The following SEC14L4 variants were observed in gnomAD, a reference collection of about 807,000 sequenced individuals.
SEC14L4 encodes SEC14-like protein 4.
Under a neutral mutation model 55.1 loss-of-function variants are expected in SEC14L4, and 42 were observed. The observed-to-expected ratio is 0.76, with a 90% CI of 0.60 to 0.99. SEC14L4 has a LOEUF of 0.99. Ranked by LOEUF, SEC14L4 falls within the 50% of genes least tolerant of loss-of-function variation. The pLI is 0.00. For synonymous variants in SEC14L4, 206 were observed against 206.8 expected, an observed-to-expected ratio of 1.00 and a Z score of 0.03; for missense variants, 445 against 512.1, an observed-to-expected ratio of 0.87 and a Z score of 1.27.
In SEC14L4 at chr22:30,489,997, G is replaced by A; in HGVS notation, c.*110C>T. 6.4e-7 allele frequency: 1 copy of A among 1,561,928 alleles called. No individual in the cohort carries two copies. The highest frequency in any genetic ancestry group is 8.7e-7 in the Non-Finnish European group (1 of 1,152,190). ...ACAATGAGATGAAATGGTGACGTGGGACAAGTGGCTCTCTGCAGCCACCTC... is the reference window on the plus strand; with the variant it reads ...ACAATGAGATGAAATGGTGACGTGGAACAAGTGGCTCTCTGCAGCCACCTC... On this transcript the variant is annotated 3_prime_UTR_variant, in exon 12 of 12. Transcript: ENST00000255858.
rs367876819 is a variant in SEC14L4, at chr22:30,491,903, G to C, written c.842C>G (p.Thr281Arg). Reference protein sequence around the residue: ...CEQVRLQYEHTRSVGRGSSLQ... With the variant: ...CEQVRLQYEHRRSVGRGSSLQ... ...GGAGGAGCCGCGGCCCACGGACCTC[G>C]TGTGCTCATACTGCAGCCTCACCTG... The change falls in exon 10 of 12, where the codon ACG becomes AGG. Residue 281 changes from threonine to arginine, a missense_variant. By Grantham distance (71) the Thr-to-Arg change is moderately conservative. Coordinates refer to ENST00000255858, the MANE Select transcript of SEC14L4 (RefSeq NM_174977.4). 6.2e-7 allele frequency: 1 copy of C among 1,613,688 alleles called. No individual in the cohort carries two copies. Among genetic ancestry groups the C allele is most frequent in the Non-Finnish European group, 8.5e-7 (1 of 1,179,982 alleles).
chr22:30,494,848 G>A lies in SEC14L4; in HGVS notation c.519+18C>T, dbSNP rs1936085326. On this transcript the variant is annotated intron_variant, in intron 6 of 11. Transcript: ENST00000255858. ...GAGCCACTGCCCACACCAGCCCCAA[G>A]CCAGCCACCCACCTTACCTGCTGGT... The A allele has an allele frequency of 6.3e-7, 1 of 1,585,866 alleles. No homozygotes were observed. The highest frequency in any genetic ancestry group is 8.7e-7 in the Non-Finnish European group (1 of 1,155,438).
rs1935953547 is a variant in SEC14L4, at chr22:30,491,571, A to G, written c.1081+2T>C. The G allele has an allele frequency of 1.2e-6, 2 of 1,614,078 alleles. No individual in the cohort carries two copies. Among genetic ancestry groups the G allele is most frequent in the East Asian group, 4.5e-5 (2 of 44,874 alleles). On this transcript the variant is annotated splice_donor_variant, in intron 11 of 11. Transcript: ENST00000255858. LOFTEE classifies it high-confidence loss of function. Reference sequence around the variant, plus strand: ...AATTCCAGTAAACCCCGCAGCTCTTACAGACGCCAGCCTGGAGGCAGGTGA... The same window carrying G: ...AATTCCAGTAAACCCCGCAGCTCTTGCAGACGCCAGCCTGGAGGCAGGTGA...
chr22:30,495,132 G>A, intron 5 of SEC14L4, 122 bp downstream of exon 5: 1 of 1,081,092 alleles, frequency 9.2e-7, no homozygotes, highest in Non-Finnish European at 1.3e-6. Flanking sequence ...AAGGGTGGGA[G>A]AAGCCCACAT....
intron 1 of SEC14L4, 82 bp downstream of exon 1, chr22:30,505,476 C>A: frequency 1.4e-6 from 2 of 1,381,910 alleles, no homozygotes; most frequent in Non-Finnish European, 2.0e-6. Context: ...CCAGTCTGTA[C>A]CATGGGGGCT....
At chr22:30,503,273 T>TC (rs1936387473) in intron 2 of SEC14L4, among the ~76,000 whole-genome samples, 1 of 151,908 alleles carries the variant, frequency 6.6e-6, no homozygotes, top group East Asian at 1.9e-4. Context: ...TTTTTGTTTT[T>TC]TTTTTTTTGA....
At position 30,491,502 on chromosome 22, in the gene SEC14L4, GC is replaced by G. The variant is rs1329568753; in HGVS notation, c.1081+70del. 6.0e-5 allele frequency: 95 copies of G among 1,580,878 alleles called. 1 individual carries two copies. Among genetic ancestry groups the G allele is most frequent in the Middle Eastern group, 3.3e-4 (2 of 5,982 alleles). On this transcript the variant is annotated intron_variant, in intron 11 of 11. Coordinates refer to ENST00000255858, the MANE Select transcript of SEC14L4 (RefSeq NM_174977.4). ...CAGAGATCCCCCCACCCTCCCGAGA[GC>G]TGGAAAGAGAGGGCAAGCAGAGGGG...
intron 2 of SEC14L4, among the ~76,000 whole-genome samples, chr22:30,501,096 G>A (rs1033219971): frequency 6.6e-6 from 1 of 152,188 alleles, no homozygotes; most frequent in Non-Finnish European, 1.5e-5. Flanking sequence ...CAGAAGGAGG[G>A]TTGGGAAAAG....
At chr22:30,495,862 CT>C in intron 3 of SEC14L4, 65 bp downstream of exon 3, 2 of 1,595,014 alleles carry the variant, frequency 1.3e-6, no homozygotes. Context: ...AGTCTCTACC[CT>C]TTTGCAGCAA....
chr22:30,490,162 G>C lies in SEC14L4; in HGVS notation c.1166C>G (p.Ala389Gly). 1 of 1,614,188 alleles carries C rather than the reference G, an allele frequency of 6.2e-7. No homozygotes were observed. The highest frequency in any genetic ancestry group is 8.5e-7 in the Non-Finnish European group (1 of 1,180,026). ...YTVEVLLPDKASEETLQSLKA... is the reference protein window; with the variant it reads ...YTVEVLLPDKGSEETLQSLKA... ...GAGACTCTGCAGCGTCTCCTCAGAG[G>C]CCTTGTCGGGAAGCAGCACCTCCAC... The change falls in exon 12 of 12, where the codon GCC becomes GGC. Residue 389 changes from alanine to glycine, a missense_variant. By Grantham distance (60) the Ala-to-Gly change is moderately conservative. Coordinates refer to ENST00000255858, the MANE Select transcript of SEC14L4 (RefSeq NM_174977.4).
chr22:30,491,748 G>A lies in SEC14L4; in HGVS notation c.912-6C>T. On this transcript the variant is annotated splice_region_variant and splice_polypyrimidine_tract_variant and intron_variant, in intron 10 of 11. Transcript: ENST00000255858. The stretch of plus-strand genomic sequence containing the variant: ...CATCTGAAGCAAACTGCCACCTGCA[G>A]TGGATAGAGCCCCATTGGCGACCCC... 1 of 1,614,064 alleles carries A rather than the reference G, an allele frequency of 6.2e-7. No individual in the cohort carries two copies. Among genetic ancestry groups the A allele is most frequent in the Non-Finnish European group, 8.5e-7 (1 of 1,179,952 alleles).
At chr22:30,505,440 G>A in intron 1 of SEC14L4, 118 bp downstream of exon 1, 1 of 1,084,126 alleles carries the variant, frequency 9.2e-7, no homozygotes, top group East Asian at 2.6e-5. Flanking sequence ...GGGCAGAACA[G>A]AGGCGCTCTC....
At chr22:30,490,976 C>T (rs1335792902) in intron 11 of SEC14L4, among the ~76,000 whole-genome samples, 1 of 152,170 alleles carries the variant, frequency 6.6e-6, no homozygotes, top group Non-Finnish European at 1.5e-5. Flanking sequence ...ACTTGTCTGT[C>T]TCTACTCTCC....
intron 11 of SEC14L4, among the ~76,000 whole-genome samples, chr22:30,490,590 C>T (rs9606736): frequency 0.19 from 28,766 of 152,212 alleles, 2,999 homozygotes; most frequent in Admixed American, 0.25. Context: ...CTGTGGCCCA[C>T]GGACACAGTA....
intron 2 of SEC14L4, among the ~76,000 whole-genome samples, chr22:30,496,777 G>A (rs558439242): frequency 6.6e-6 from 1 of 152,214 alleles, no homozygotes; most frequent in Non-Finnish European, 1.5e-5. Flanking sequence ...TGTATAGAAA[G>A]TGTTTGGCCC....
At chr22:30,502,869 C>G (rs1204437655) in intron 2 of SEC14L4, among the ~76,000 whole-genome samples, 1 of 152,106 alleles carries the variant, frequency 6.6e-6, no homozygotes, top group Non-Finnish European at 1.5e-5. Flanking sequence ...TTTTTTTAGA[C>G]TGCTGCTGTA....
chr22:30,505,479 TG>T, intron 1 of SEC14L4, 78 bp downstream of exon 1: 4 of 1,394,046 alleles, frequency 2.9e-6, no homozygotes, highest in Non-Finnish European at 4.0e-6. Flanking sequence ...GTCTGTACCA[TG>T]GGGGCTCCAG....
Position 30,490,055 on chromosome 22 carries a change from G to C in SEC14L4, c.*52C>G. On this transcript the variant is annotated 3_prime_UTR_variant, in exon 12 of 12. Coordinates refer to ENST00000255858, the MANE Select transcript of SEC14L4 (RefSeq NM_174977.4). ...ACCCTGCCTGGGAAGGCAGGGGTCA[G>C]AGGGGTGGGTGTGAAGGGGTTGGAG... 6.2e-7 allele frequency: 1 copy of C among 1,604,644 alleles called. No individual in the cohort carries two copies. Among genetic ancestry groups the C allele is most frequent in the South Asian group, 1.1e-5 (1 of 89,782 alleles).
At position 30,491,527 on chromosome 22, in the gene SEC14L4, G is replaced by A. The variant is rs1182516557; in HGVS notation, c.1081+46C>T. On this transcript the variant is annotated intron_variant, in intron 11 of 11. Transcript: ENST00000255858. ...GCTGGAAAGAGAGGGCAAGCAGAGG[G>A]GAGACTGGCAGGGAAAACAATTCCA... 4 of 1,609,710 alleles carry A rather than the reference G, an allele frequency of 2.5e-6. 1 individual carries two copies. In the Admixed American group the frequency reaches 6.7e-5, roughly 27 times the overall value.
Sources: gnomAD v4.1 joint callset for allele counts (sites outside exome capture counted in the v4.1 genomes callset) on GRCh38, gnomAD v4.1.1 for gene constraint, MANE v1.5 for transcripts, NCBI Gene and HGNC (gene_info 2026-07-23, HGNC 2026-07-21) for gene names.